Variants in TMEM131 observed in about 807,000 individuals in gnomAD.
TMEM131 encodes transmembrane protein 131.
In TMEM131, 66 loss-of-function variants were observed where a neutral mutation model predicts 211.6. That is an observed-to-expected ratio of 0.31 (90% CI 0.26 to 0.38). The LOEUF (loss-of-function observed/expected upper bound fraction) is 0.38. Ranked by LOEUF, TMEM131 falls within the 10% of genes least tolerant of loss-of-function variation. TMEM131 has a pLI of 1.00. For missense variants in TMEM131, 2,036 were observed against 2,299.3 expected (o/e 0.89, Z 2.34); for synonymous variants, 844 against 841.3 (o/e 1.00, Z -0.06).
At chr2:97,759,917 G>A (rs983690549) in intron 38 of TMEM131, 168 bp from the exon 39 acceptor site, 2 of 606,718 alleles carry the variant, frequency 3.3e-6, no homozygotes, top group Middle Eastern at 2.6e-4. Context: ...TACCACAAGG[G>A]TTGAGTCGGA....
chr2:97,795,162 C>T (rs1680699459), intron 28 of TMEM131, 47 bp from the exon 29 acceptor site: 1 of 1,447,996 alleles, frequency 6.9e-7, no homozygotes, highest in Non-Finnish European at 9.5e-7. Context: ...AAATATCTCA[C>T]AAGCAGTCTG....
intron 1 of TMEM131, among the ~76,000 whole-genome samples, chr2:97,965,228 AC>A (rs139377270): frequency 6.6e-6 from 1 of 152,106 alleles, no homozygotes; most frequent in African/African-American, 2.4e-5. Context: ...ATTCACAGAA[AC>A]CGCCACTGCT....
At chr2:97,855,251 A>G (rs1358405420) in intron 5 of TMEM131, among the ~76,000 whole-genome samples, 2 of 152,236 alleles carry the variant, frequency 1.3e-5, no homozygotes, top group Non-Finnish European at 2.9e-5. Context: ...TTAGTGATAC[A>G]GTGCAAAGAT....
At chr2:97,946,085 A>G (rs866811406) in intron 1 of TMEM131, among the ~76,000 whole-genome samples, 7 of 152,212 alleles carry the variant, frequency 4.6e-5, no homozygotes, top group Middle Eastern at 3.4e-3. Context: ...CAACACAGCT[A>G]TTGTGCAGGG....
intron 4 of TMEM131, among the ~76,000 whole-genome samples, chr2:97,862,098 G>C (rs982562099): frequency 1.3e-5 from 2 of 152,190 alleles, no homozygotes; most frequent in African/African-American, 4.8e-5. Context: ...GTAATCCAGA[G>C]AATGCTTCCT....
At chr2:97,935,015 T>C (rs982944538) in intron 1 of TMEM131, among the ~76,000 whole-genome samples, 3 of 152,122 alleles carry the variant, frequency 2.0e-5, no homozygotes, top group Admixed American at 2.0e-4. Context: ...GATAAATTGT[T>C]GTACCTCATT....
At chr2:97,847,087 G>GGGGGGCCC (rs1683484901) in intron 5 of TMEM131, among the ~76,000 whole-genome samples, 1 of 72,052 alleles carries the variant, frequency 1.4e-5, no homozygotes, top group Non-Finnish European at 3.3e-5. Context: ...GGGGGGGGGG[G>GGGGGGCCC]CCGAGGCAGG....
chr2:97,981,069 T>C lies in TMEM131; in HGVS notation c.187+14407A>G, dbSNP rs558107096. ...AAAAAAAAAAAAAAAAAAAAAAAAG[T>C]TTAAAAATCTGTTAAGGTAGCTATC... is the stretch of plus-strand genomic sequence containing the variant. On this transcript the variant is annotated intron_variant, in intron 1 of 40. Coordinates refer to ENST00000186436, the MANE Select transcript of TMEM131 (RefSeq NM_015348.2). Among the ~76,000 whole-genome samples the C allele has an allele frequency of 1.7e-3, 105 of 60,742 alleles. 4 individuals are homozygous for C. The highest frequency in any genetic ancestry group is 6.2e-4 in the Non-Finnish European group (17 of 27,500). The allele number at this position is 60,742 out of a possible 152,430, so 39.8% of individuals were successfully genotyped here. A position where few individuals can be genotyped will look rare whatever the true frequency, so the allele number is the denominator to read the frequency against.
chr2:97,891,473 T>C (rs1410004236), intron 3 of TMEM131, among the ~76,000 whole-genome samples: 1 of 151,020 alleles, frequency 6.6e-6, no homozygotes, highest in Non-Finnish European at 1.5e-5. Context: ...ATTACACATG[T>C]TCTGAAGTGT....
chr2:97,855,849 A>G (rs983250664), intron 5 of TMEM131, among the ~76,000 whole-genome samples: 6 of 152,186 alleles, frequency 3.9e-5, no homozygotes, highest in Admixed American at 6.5e-5. Context: ...GCTACATCGC[A>G]TTTTGTTAAA....
chr2:97,766,318 G>A, intron 34 of TMEM131, 55 bp from the exon 35 acceptor site: 1 of 1,609,910 alleles, frequency 6.2e-7, no homozygotes, highest in Non-Finnish European at 8.5e-7. Flanking sequence ...CTTTCTTTCA[G>A]GTCTATTTCA....
At chr2:97,771,016 T>G (rs1679440548) in intron 33 of TMEM131, among the ~76,000 whole-genome samples, 1 of 152,184 alleles carries the variant, frequency 6.6e-6, no homozygotes, top group Non-Finnish European at 1.5e-5. Flanking sequence ...GATATTGGTG[T>G]CTCAGGTGGA....
intron 12 of TMEM131, among the ~76,000 whole-genome samples, chr2:97,817,838 C>G (rs1466419181): frequency 6.6e-6 from 1 of 152,174 alleles, no homozygotes; most frequent in Non-Finnish European, 1.5e-5. Context: ...TATGTGGACT[C>G]TGAGCACAGA....
At chr2:97,760,316 T>C in intron 38 of TMEM131, 2 of 474,990 alleles carry the variant, frequency 4.2e-6, no homozygotes, top group Admixed American at 3.4e-5. Flanking sequence ...GACCAGGAGA[T>C]GGAGGAGAGT....
rs944740836 is a variant in TMEM131, at chr2:97,852,339, G to A, written c.483+6965C>T. Among the ~76,000 whole-genome samples, 6 of 152,018 alleles carry A rather than the reference G, an allele frequency of 3.9e-5. 1 individual carries two copies. Among genetic ancestry groups the A allele is most frequent in the Non-Finnish European group, 8.8e-5 (6 of 67,996 alleles). Reference sequence around the variant, plus strand: ...ACCACACCCAATTTTTGTATTTTTAGTAGAGATGGGGTTTCACCACGTTGG... The same window carrying A: ...ACCACACCCAATTTTTGTATTTTTAATAGAGATGGGGTTTCACCACGTTGG... On this transcript the variant is annotated intron_variant, in intron 5 of 40. Transcript: ENST00000186436.
chr2:97,760,511 A>ATATGGAT (rs1678774409), intron 38 of TMEM131, 82 bp downstream of exon 38: 6 of 1,261,096 alleles, frequency 4.8e-6, no homozygotes, highest in Non-Finnish European at 6.5e-6. Context: ...AAATGCCCTG[A>ATATGGAT]AACCCATTTA....
At chr2:97,853,600 C>T (rs1673716851) in intron 5 of TMEM131, among the ~76,000 whole-genome samples, 1 of 129,074 alleles carries the variant, frequency 7.7e-6, no homozygotes, top group Non-Finnish European at 1.7e-5. Context: ...AGTGAGACCC[C>T]GTCTTGGAAA....
At chr2:97,877,633 T>C (rs973413736) in intron 4 of TMEM131, among the ~76,000 whole-genome samples, 3 of 152,190 alleles carry the variant, frequency 2.0e-5, no homozygotes, top group Admixed American at 1.3e-4. Context: ...TAAATGGTGT[T>C]GGGAAAACTG....
intron 11 of TMEM131, among the ~76,000 whole-genome samples, chr2:97,831,662 CTCTTTTT>C (rs778224919): frequency 1.0e-5 from 1 of 98,222 alleles, no homozygotes. Context: ...TTTCACATAC[CTCTTTTT>C]TTTTTTTTTT....
Sources: allele counts gnomAD v4.1 joint callset (sites outside exome capture counted in the v4.1 genomes callset), GRCh38; gene constraint gnomAD v4.1.1; transcripts MANE v1.5; gene names NCBI Gene and HGNC (gene_info 2026-07-23, HGNC 2026-07-21).